Variants in NLRX1 observed in about 807,000 individuals in gnomAD.
NLRX1 encodes NLR family member X1.
Under a neutral mutation model 74.2 loss-of-function variants are expected in NLRX1, and 67 were observed. The observed-to-expected ratio is 0.90, with a 90% confidence interval of 0.74 to 1.11. The LOEUF (loss-of-function observed/expected upper bound fraction) is 1.11. Ranked by LOEUF, NLRX1 falls within the 50% of genes least tolerant of loss-of-function variation. The pLI is 0.00. For missense variants in NLRX1, 1,191 were observed against 1,305.4 expected, an observed-to-expected ratio of 0.91 and a Z score of 1.35; for synonymous variants, 506 against 559.1, an observed-to-expected ratio of 0.91 and a Z score of 1.34.
intron 8 of NLRX1, 97 bp downstream of exon 8, chr11:119,181,354 T>TAGTA: frequency 1.1e-6 from 1 of 897,108 alleles, no homozygotes; most frequent in Non-Finnish European, 1.8e-6. Context: ...ACCCAAGGGA[T>TAGTA]AGTAAATGGA....
intron 8 of NLRX1, 37 bp from the exon 9 acceptor site, chr11:119,182,057 A>T: frequency 6.2e-7 from 1 of 1,603,442 alleles, no homozygotes; most frequent in Non-Finnish European, 8.5e-7. Flanking sequence ...CCTCCTCTCA[A>T]TGAGCCCTCA....
At position 119,172,420 on chromosome 11, in the gene NLRX1, C is replaced by T; in HGVS notation, c.135C>T (p.Pro45=). 1 of 1,612,014 alleles carries T rather than the reference C, an allele frequency of 6.2e-7. No individual in the cohort carries two copies. Among genetic ancestry groups the T allele is most frequent in the Non-Finnish European group, 8.5e-7 (1 of 1,178,088 alleles). ...WPLQGERPFG[P]PRAFIRHHGS... ...TTCAAGGGGAGCGTCCCTTTGGGCC[C>T]CCTAGGTGAGGCCTGGGTGTCATAC... The change falls in exon 3 of 10, where the codon CCC becomes CCT. Residue 45 remains proline, a synonymous_variant. Transcript: ENST00000409109.
In NLRX1 at chr11:119,174,601, A is replaced by G; in HGVS notation, c.998A>G (p.Tyr333Cys). The G allele has an allele frequency of 6.2e-7, 1 of 1,614,174 alleles. No homozygotes were observed. The highest frequency in any genetic ancestry group is 8.5e-7 in the Non-Finnish European group (1 of 1,180,030). ...CGCCTCAACCAGCCGTACTGCGGGT[A>G]TGCCGTTGGCGGTTCAGGTGTCTCT... The part of the protein sequence containing the change: ...QLRLNQPYCG[Y>C]AVGGSGVSAT... The change falls in exon 6 of 10, where the codon TAT becomes TGT. Residue 333 changes from tyrosine (Y) to cysteine (C), a missense_variant. Physicochemically the swap from Tyr to Cys is radical, Grantham distance 194 (BLOSUM62 -2). Coordinates refer to ENST00000409109, the MANE Select transcript of NLRX1 (RefSeq NM_001282144.2).
At chr11:119,182,728 A>T (rs1948870900) in intron 9 of NLRX1, among the ~76,000 whole-genome samples, 1 of 151,936 alleles carries the variant, frequency 6.6e-6, no homozygotes, top group Non-Finnish European at 1.5e-5. Context: ...TTCTACTAAA[A>T]ATACAAAAAT....
intron 3 of NLRX1, 119 bp downstream of exon 3, chr11:119,172,544 G>T (rs111941670): frequency 1.3e-6 from 1 of 757,098 alleles, no homozygotes; most frequent in South Asian, 1.5e-5. Context: ...TTGGTCCTTT[G>T]GGGGTGGGAG....
chr11:119,180,950 A>G (rs1388348516), intron 7 of NLRX1, among the ~76,000 whole-genome samples: 2 of 151,930 alleles, frequency 1.3e-5, no homozygotes, highest in Non-Finnish European at 2.9e-5. Flanking sequence ...CTGAGGTGGG[A>G]GGATTGCTTG....
Position 119,169,306 on chromosome 11 carries a change from C to G in NLRX1, c.-49+4C>G, listed in dbSNP as rs1393158736. On this transcript the variant is annotated splice_donor_region_variant and intron_variant, in intron 1 of 9. Coordinates refer to ENST00000409109, the MANE Select transcript of NLRX1 (RefSeq NM_001282144.2). The stretch of plus-strand genomic sequence containing the variant: ...GACCTGTAGGAACACCGCCCCTGTA[C>G]GTTTCCTGCAGTGCCCCCTCCTTTT... 6.6e-6 allele frequency: 1 copy of G among 152,542 alleles called. No homozygotes were observed. Among genetic ancestry groups the G allele is most frequent in the Non-Finnish European group, 1.5e-5 (1 of 68,330 alleles). The allele number at this position is 152,542 out of a possible 1,614,324, so 9.4% of individuals were successfully genotyped here.
At chr11:119,179,009 A>T (rs993273097) in intron 6 of NLRX1, among the ~76,000 whole-genome samples, 1 of 151,954 alleles carries the variant, frequency 6.6e-6, no homozygotes, top group Non-Finnish European at 1.5e-5. Context: ...AGGAGGAAAA[A>T]CCTTGGCACT....
chr11:119,173,471 CCA>C lies in NLRX1; in HGVS notation c.230-6_230-5del. 1.2e-6 allele frequency: 2 copies of C among 1,609,182 alleles called. No individual in the cohort carries two copies. Among genetic ancestry groups the C allele is most frequent in the Non-Finnish European group, 1.7e-6 (2 of 1,177,634 alleles). On this transcript the variant is annotated splice_polypyrimidine_tract_variant and splice_region_variant and intron_variant, in intron 4 of 9. Transcript: ENST00000409109. The surrounding 1 kb of genome is among the most constrained non-coding windows in gnomAD (Gnocchi z 4.0). ...TCCCTGACACATTTCCCTTATCTTCCCACTCAGAAGCTATACAGCGGCACCGC... is the reference window on the plus strand; with the variant it reads ...TCCCTGACACATTTCCCTTATCTTCCCTCAGAAGCTATACAGCGGCACCGC...
rs200846476 is a variant in NLRX1, at chr11:119,180,056, C to T, written c.2035C>T (p.Leu679Phe). 1.9e-6 allele frequency: 3 copies of T among 1,613,572 alleles called. No homozygotes were observed. The highest frequency in any genetic ancestry group is 1.3e-5 in the African/African-American group (1 of 74,958). The change falls in exon 7 of 10, where the codon CTC becomes TTC. Residue 679 changes from leucine (L) to phenylalanine (F), a missense_variant. Transcript: ENST00000409109. ...GCCCCCATCAGAGCTCCTTGACCAC[C>T]TCTTCTTCCACTATGAGTTCCAGAA... ...VLPPSELLDHLFFHYEFQNQR... is the reference protein window; with the variant it reads ...VLPPSELLDHFFFHYEFQNQR...
At position 119,180,116 on chromosome 11, in the gene NLRX1, C is replaced by A. The variant is rs770597755; in HGVS notation, c.2095C>A (p.Arg699Ser). The change falls in exon 7 of 10, where the codon CGT becomes AGT. Residue 699 changes from arginine to serine, a missense_variant. Coordinates refer to ENST00000409109, the MANE Select transcript of NLRX1 (RefSeq NM_001282144.2). ...RFSAEVLSSL[R>S]QLNLAGVRMT... The stretch of plus-strand genomic sequence containing the variant: ...CTCCGCTGAGGTGCTCAGCTCCCTG[C>A]GTCAGCTCAACCTGGCAGGTGTGCG... 6.2e-7 allele frequency: 1 copy of A among 1,613,484 alleles called. No individual in the cohort carries two copies. Among genetic ancestry groups the A allele is most frequent in the Non-Finnish European group, 8.5e-7 (1 of 1,179,708 alleles).
rs1294424440 is a variant in NLRX1, at chr11:119,173,628, C to A, written c.379C>A (p.Pro127Thr). The change falls in exon 5 of 10, where the codon CCC becomes ACC. Residue 127 changes from proline to threonine, a missense_variant. Transcript: ENST00000409109. The surrounding 1 kb of genome is among the most constrained non-coding windows in gnomAD (Gnocchi z 4.0). ...TACCCCTGATGAGCTACTTCGCCCA[C>A]CCGCGGAGCTGGCCCTGGAGCATCA... is the stretch of plus-strand genomic sequence containing the variant. ...ESTPDELLRP[P>T]AELALEHQPP... 1 of 1,614,128 alleles carries A rather than the reference C, an allele frequency of 6.2e-7. No homozygotes were observed. The highest frequency in any genetic ancestry group is 8.5e-7 in the Non-Finnish European group (1 of 1,180,036).
rs371643242 is a variant in NLRX1, at chr11:119,182,788, G to A, written c.2607-330G>A. On this transcript the variant is annotated intron_variant, in intron 9 of 9. Coordinates refer to ENST00000409109, the MANE Select transcript of NLRX1 (RefSeq NM_001282144.2). ...TGTAATCCCAGCTACTTGGGAGGCT[G>A]AGGCAGGAGAATCACCTGAACCCGG... 7.9e-5 allele frequency among the ~76,000 whole-genome samples: 12 copies of A among 152,150 alleles called. No homozygotes were observed. In the East Asian group the frequency reaches 1.7e-3, roughly 22 times the overall value.
At position 119,182,274 on chromosome 11, in the gene NLRX1, C is replaced by T. The variant is rs370591730; in HGVS notation, c.2535C>T (p.Asn845=). The T allele has an allele frequency of 5.7e-5, 92 of 1,613,546 alleles. No homozygotes were observed. Among genetic ancestry groups the T allele is most frequent in the South Asian group, 9.9e-5 (9 of 91,084 alleles). ...TGCAGGAGCTGAACGTGGCGTACAA[C>T]GGTGCTGGTGACACAGCGGCCCTGG... ...RQLQELNVAY[N]GAGDTAALAL... The change falls in exon 9 of 10, where the codon AAC becomes AAT. Residue 845 remains asparagine, a synonymous_variant. Transcript: ENST00000409109.
chr11:119,172,930 T>C lies in NLRX1; in HGVS notation c.170T>C (p.Val57Ala). ...TTTATACGCCACCACGGAAGCTCGG[T>C]AGATAGCGCTCCCCCACCCGGGAGG... The part of the protein sequence containing the change: ...RAFIRHHGSS[V>A]DSAPPPGRHG... The change falls in exon 4 of 10, where the codon GTA (valine) becomes GCA (alanine). Residue 57 changes from valine to alanine, a missense_variant. Coordinates refer to ENST00000409109, the MANE Select transcript of NLRX1 (RefSeq NM_001282144.2). 6.2e-7 allele frequency: 1 copy of C among 1,613,878 alleles called. No individual in the cohort carries two copies.
At chr11:119,174,430 A>G in intron 5 of NLRX1, 23 bp from the exon 6 acceptor site, 1 of 1,603,132 alleles carries the variant, frequency 6.2e-7, no homozygotes, top group East Asian at 2.2e-5. Flanking sequence ...GTCTTTCTTA[A>G]CTCTCAACCA....
chr11:119,176,178 G>C (rs17122732), intron 6 of NLRX1, among the ~76,000 whole-genome samples: 1,731 of 152,248 alleles, frequency 0.011, 31 homozygotes, highest in African/African-American at 0.038. Context: ...TTTCAGCAAC[G>C]CATTTTGAGG....
chr11:119,178,559 A>C (rs191605928), intron 6 of NLRX1, among the ~76,000 whole-genome samples: 1 of 152,284 alleles, frequency 6.6e-6, no homozygotes, highest in Non-Finnish European at 1.5e-5. Flanking sequence ...ATGCCATGAA[A>C]GTGTATAGTG....
Position 119,173,779 on chromosome 11 carries a change from G to C in NLRX1, c.530G>C (p.Arg177Pro). ...TVGTGKSTLV[R>P]KMVLDWCYGR... ...GGCACAGGCAAGAGCACGCTGGTGC[G>C]CAAGATGGTTCTGGACTGGTGTTAT... The change falls in exon 5 of 10, where the codon CGC becomes CCC. Residue 177 changes from arginine (R) to proline (P), a missense_variant. Transcript: ENST00000409109. This position sits in a 1 kb window ranked among gnomAD's most constrained non-coding sequence, Gnocchi z 4.0. 1 of 1,613,566 alleles carries C rather than the reference G, an allele frequency of 6.2e-7. No homozygotes were observed. The highest frequency in any genetic ancestry group is 8.5e-7 in the Non-Finnish European group (1 of 1,180,032).
Sources: allele counts gnomAD v4.1 joint callset (sites outside exome capture counted in the v4.1 genomes callset), GRCh38; gene constraint gnomAD v4.1.1; non-coding constraint Gnocchi (gnomAD v3.1); transcripts MANE v1.5; gene names NCBI Gene and HGNC (gene_info 2026-07-23, HGNC 2026-07-21).